GALNT11: variants seen among roughly 807,000 people sequenced by gnomAD.
The protein encoded by GALNT11 is UDP-GalNAc:polypeptide N-acetylgalactosaminyltransferase 11.
A neutral mutation model predicts 72.7 loss-of-function variants in GALNT11; 47 were observed. That is an observed-to-expected ratio of 0.65 (90% CI 0.51 to 0.82). The LOEUF (loss-of-function observed/expected upper bound fraction) is 0.82. GALNT11 is among the 40% of genes least tolerant of loss of function. The pLI is 0.00. For synonymous variants in GALNT11, 270 were observed against 286.6 expected (o/e 0.94, Z 0.58); for missense variants, 677 against 778.4 (o/e 0.87, Z 1.55).
chr7:152,096,575 C>T (rs970269272), intron 2 of GALNT11, among the ~76,000 whole-genome samples: 4 of 151,804 alleles, frequency 2.6e-5, no homozygotes, highest in Admixed American at 6.6e-5. Context: ...ATTAGGTGGG[C>T]GTGGTGGCAG....
intron 2 of GALNT11, among the ~76,000 whole-genome samples, chr7:152,096,038 T>TTTATGACTTTTG (rs1455216362): frequency 6.6e-6 from 1 of 152,166 alleles, no homozygotes; most frequent in Non-Finnish European, 1.5e-5. Flanking sequence ...TCAAAAGTCA[T>TTTATGACTTTTG]AAAACACTTA....
At chr7:152,120,794 T>G (rs1188364690) in intron 10 of GALNT11, 37 bp from the exon 11 acceptor site, 1 of 1,533,396 alleles carries the variant, frequency 6.5e-7, no homozygotes, top group East Asian at 2.2e-5. Context: ...AGTCTTAAAA[T>G]TCGTTATCTA....
At chr7:152,114,544 A>G (rs1385370806) in intron 8 of GALNT11, among the ~76,000 whole-genome samples, 1 of 151,024 alleles carries the variant, frequency 6.6e-6, no homozygotes, top group Non-Finnish European at 1.5e-5. Flanking sequence ...CAGCTGATCA[A>G]CATTTAGGTT....
At chr7:152,080,961 ACT>A (rs1033386290) in intron 1 of GALNT11, among the ~76,000 whole-genome samples, 8 of 152,058 alleles carry the variant, frequency 5.3e-5, no homozygotes, top group African/African-American at 1.9e-4. Context: ...CAAGAGCGAA[ACT>A]CTGATTCAGA....
rs138900327 is a variant in GALNT11, at chr7:152,121,845, G to C, written c.*168G>C. The C allele has an allele frequency of 9.2e-6, 7 of 759,498 alleles. No homozygotes were observed. In the African/African-American group the frequency reaches 1.1e-4, roughly 11 times the overall value. The allele number at this position is 759,498 out of a possible 1,614,324, so 47.0% of individuals were successfully genotyped here. On this transcript the variant is annotated 3_prime_UTR_variant, in exon 12 of 12. Coordinates refer to ENST00000430044, the MANE Select transcript of GALNT11 (RefSeq NM_022087.4). ...GTGTTAGCAGAGGTGACACGTGTCTGACAGAGACGGGAGCTCTGAGTGTCC... is the reference window on the plus strand; with the variant it reads ...GTGTTAGCAGAGGTGACACGTGTCTCACAGAGACGGGAGCTCTGAGTGTCC...
At chr7:152,073,830 G>T (rs2084803511) in intron 1 of GALNT11, among the ~76,000 whole-genome samples, 1 of 151,998 alleles carries the variant, frequency 6.6e-6, no homozygotes, top group Admixed American at 6.6e-5. Context: ...TGTCTTTTTG[G>T]TAATAGCCAC....
At chr7:152,081,411 T>C (rs976006411) in intron 1 of GALNT11, among the ~76,000 whole-genome samples, 14 of 152,208 alleles carry the variant, frequency 9.2e-5, no homozygotes, top group African/African-American at 3.4e-4. Flanking sequence ...GATGCCGGAA[T>C]GTAAATTGGG....
chr7:152,049,491 G>A (rs1244009422), intron 1 of GALNT11, among the ~76,000 whole-genome samples: 1 of 152,166 alleles, frequency 6.6e-6, no homozygotes, highest in Non-Finnish European at 1.5e-5. Context: ...AACAAATGGA[G>A]TCTCTGCTGA....
In GALNT11 at chr7:152,094,033, A is replaced by T; in HGVS notation, c.-38-157A>T. ...AGGTTTTCATTGTTGAACCCTTTTT[A>T]AAAACTCAGTACTATCCATACATCT... On this transcript the variant is annotated intron_variant, in intron 1 of 11. Transcript: ENST00000430044. This position sits in a 1 kb window ranked among gnomAD's most constrained non-coding sequence, Gnocchi z 4.3. 1.8e-6 allele frequency: 1 copy of T among 563,436 alleles called. No individual in the cohort carries two copies. Among genetic ancestry groups the T allele is most frequent in the Non-Finnish European group, 2.9e-6 (1 of 347,668 alleles). 34.9% of individuals were successfully genotyped at this position (563,436 alleles called of 1,614,324 possible).
At chr7:152,098,748 G>A (rs865975589) in intron 2 of GALNT11, among the ~76,000 whole-genome samples, 3 of 152,234 alleles carry the variant, frequency 2.0e-5, no homozygotes, top group African/African-American at 7.2e-5. Flanking sequence ...TTTCTTTTAT[G>A]TTTTGGTCAT....
chr7:152,056,394 C>CGG (rs1180252245), intron 1 of GALNT11, among the ~76,000 whole-genome samples: 1 of 152,158 alleles, frequency 6.6e-6, no homozygotes, highest in Non-Finnish European at 1.5e-5. Flanking sequence ...CCGCGGGTTG[C>CGG]CACGTTTTCC....
Position 152,100,992 on chromosome 7 carries a change from C to T in GALNT11, c.419+71C>T, listed in dbSNP as rs1271669000. 28 of 1,566,900 alleles carry T rather than the reference C, an allele frequency of 1.8e-5. 1 individual carries two copies. The highest frequency in any genetic ancestry group is 2.3e-5 in the East Asian group (1 of 43,712). ...CTTTTAGTGTCAGTGTAAGAGGTCA[C>T]GAGGACGGGGTTCATATTTCCCAAT... On this transcript the variant is annotated intron_variant, in intron 3 of 11. Coordinates refer to ENST00000430044, the MANE Select transcript of GALNT11 (RefSeq NM_022087.4).
intron 2 of GALNT11, among the ~76,000 whole-genome samples, chr7:152,096,231 C>T (rs1264236285): frequency 6.6e-6 from 1 of 152,092 alleles, no homozygotes; most frequent in African/African-American, 2.4e-5. Flanking sequence ...CAATCCCTAT[C>T]AAAATGTCAG....
chr7:152,088,185 T>G (rs2085773846), intron 1 of GALNT11, among the ~76,000 whole-genome samples: 1 of 152,244 alleles, frequency 6.6e-6, no homozygotes, highest in Non-Finnish European at 1.5e-5. Flanking sequence ...TATGGTAGTG[T>G]GATACAAGTG....
At chr7:152,028,354 G>C (rs1409033965) in intron 1 of GALNT11, among the ~76,000 whole-genome samples, 1 of 152,182 alleles carries the variant, frequency 6.6e-6, no homozygotes. Flanking sequence ...ACAGAGTGCT[G>C]ATTGGTGCGT....
intron 1 of GALNT11, among the ~76,000 whole-genome samples, chr7:152,047,717 C>T (rs2083206373): frequency 6.7e-6 from 1 of 148,986 alleles, no homozygotes; most frequent in African/African-American, 2.6e-5. Flanking sequence ...TGTGCGCACA[C>T]ACACAAGTAT....
Position 152,121,611 on chromosome 7 carries a change from G to A in GALNT11, c.1761G>A (p.Gln587=). 6.2e-7 allele frequency: 1 copy of A among 1,614,228 alleles called. No homozygotes were observed. Among genetic ancestry groups the A allele is most frequent in the Non-Finnish European group, 8.5e-7 (1 of 1,180,044 alleles). The change falls in exon 12 of 12, where the codon CAG becomes CAA. Residue 587 remains glutamine (Q), a synonymous_variant. Transcript: ENST00000430044. The part of the protein sequence containing the change: ...QCLRAVDPLG[Q]KGSVAMAICD... ...TGAGAGCAGTGGATCCCCTGGGTCAGAAGGGCTCTGTCGCCATGGCGATCT... is the reference window on the plus strand; with the variant it reads ...TGAGAGCAGTGGATCCCCTGGGTCAAAAGGGCTCTGTCGCCATGGCGATCT...
intron 1 of GALNT11, among the ~76,000 whole-genome samples, chr7:152,089,825 A>G (rs2085895735): frequency 6.6e-6 from 1 of 152,186 alleles, no homozygotes; most frequent in Non-Finnish European, 1.5e-5. Flanking sequence ...ATAAACTATT[A>G]TTTCTAACAC....
chr7:152,109,441 T>A (rs950713565), intron 6 of GALNT11, among the ~76,000 whole-genome samples: 1 of 152,240 alleles, frequency 6.6e-6, no homozygotes, highest in Non-Finnish European at 1.5e-5. Context: ...GCTTACATTT[T>A]TTTTGGTCTT....
Sources: gnomAD v4.1 joint callset for allele counts (sites outside exome capture counted in the v4.1 genomes callset) on GRCh38, gnomAD v4.1.1 for gene constraint, Gnocchi (gnomAD v3.1) non-coding constraint, MANE v1.5 for transcripts, NCBI Gene and HGNC (gene_info 2026-07-23, HGNC 2026-07-21) for gene names.